The following ATRNL1 variants were observed in gnomAD, a reference collection of about 807,000 sequenced individuals.
ATRNL1 encodes the protein attractin-like protein 1.
Under a neutral mutation model 182.7 loss-of-function variants are expected in ATRNL1, and 95 were observed. The observed-to-expected ratio is 0.52, with a 90% CI of 0.44 to 0.62. ATRNL1 has a LOEUF of 0.62. Ranked by LOEUF, ATRNL1 falls within the 20% of genes least tolerant of loss-of-function variation. ATRNL1 has a pLI of 0.00. For missense variants in ATRNL1, 1,471 were observed against 1,679.5 expected (o/e 0.88, Z 2.17); for synonymous variants, 576 against 568.3 (o/e 1.01, Z -0.19).
chr10:115,394,272 A>G (rs1844177971), intron 19 of ATRNL1, among the ~76,000 whole-genome samples: 1 of 152,044 alleles, frequency 6.6e-6, no homozygotes, highest in South Asian at 2.1e-4. Flanking sequence ...TAAATTGTCC[A>G]AGGTCATATA....
At chr10:115,301,694 A>T (rs1291867112) in intron 16 of ATRNL1, among the ~76,000 whole-genome samples, 161 bp from the exon 17 acceptor site, 1 of 152,224 alleles carries the variant, frequency 6.6e-6, no homozygotes, top group Non-Finnish European at 1.5e-5. Context: ...AATTTTAAGA[A>T]GTATTGATAT....
At chr10:115,276,897 T>G (rs1554914984) in intron 13 of ATRNL1, among the ~76,000 whole-genome samples, 1 of 152,112 alleles carries the variant, frequency 6.6e-6, no homozygotes, top group South Asian at 2.1e-4. Flanking sequence ...AATGACTATA[T>G]TTTTCTTAAT....
intron 26 of ATRNL1, among the ~76,000 whole-genome samples, chr10:115,588,604 A>G (rs930549208): frequency 6.6e-6 from 1 of 152,138 alleles, no homozygotes; most frequent in East Asian, 1.9e-4. Context: ...GCCCTTTGCT[A>G]CTCATGGAAA....
intron 10 of ATRNL1, among the ~76,000 whole-genome samples, chr10:115,263,596 A>T (rs781799712): frequency 1.2e-4 from 18 of 151,832 alleles, no homozygotes; most frequent in Admixed American, 1.3e-4. Flanking sequence ...TATAAAGACC[A>T]TTTTAAGATA....
chr10:115,816,092 A>G (rs2960661), intron 27 of ATRNL1, among the ~76,000 whole-genome samples: 108,861 of 152,002 alleles, frequency 0.72, 39,273 homozygotes, highest in East Asian at 0.81. Context: ...GTGACAGTAG[A>G]ACATAAGAAA....
At chr10:115,159,086 A>T (rs1554882690) in intron 5 of ATRNL1, among the ~76,000 whole-genome samples, 1 of 151,744 alleles carries the variant, frequency 6.6e-6, no homozygotes, top group African/African-American at 2.4e-5. Context: ...TATCATTTTT[A>T]ACTTGGGACC....
chr10:115,667,738 T>A (rs1332739420), intron 26 of ATRNL1, among the ~76,000 whole-genome samples: 7 of 151,902 alleles, frequency 4.6e-5, no homozygotes, highest in African/African-American at 1.7e-4. Context: ...CAGTGCAGCC[T>A]GAAACTCCCG....
At chr10:115,410,681 A>G (rs113493781) in intron 20 of ATRNL1, among the ~76,000 whole-genome samples, 24 of 152,172 alleles carry the variant, frequency 1.6e-4, no homozygotes, top group African/African-American at 5.5e-4. Flanking sequence ...TAGGGAAAAA[A>G]AGAGAAAAAT....
chr10:115,295,335 G>A (rs975011521), intron 15 of ATRNL1, among the ~76,000 whole-genome samples: 3 of 152,086 alleles, frequency 2.0e-5, no homozygotes, highest in Non-Finnish European at 2.9e-5. Flanking sequence ...TCATGGGGTC[G>A]TGTCTCAGGC....
intron 27 of ATRNL1, among the ~76,000 whole-genome samples, chr10:115,755,327 A>T (rs1208031253): frequency 6.6e-6 from 1 of 152,134 alleles, no homozygotes. Flanking sequence ...AGCTCTTATG[A>T]TTTTGAGATA....
intron 18 of ATRNL1, among the ~76,000 whole-genome samples, chr10:115,330,606 G>C (rs2134062462): frequency 6.7e-6 from 1 of 149,906 alleles, no homozygotes; most frequent in Admixed American, 6.6e-5. Flanking sequence ...GCTCTCTCTT[G>C]GCCTGTGGGG....
intron 26 of ATRNL1, among the ~76,000 whole-genome samples, chr10:115,614,287 T>C (rs1174281119): frequency 6.6e-6 from 1 of 152,178 alleles, no homozygotes; most frequent in Non-Finnish European, 1.5e-5. Context: ...CATCAGTCTT[T>C]CTGGAGCATG....
At chr10:115,375,384 G>T (rs546050827) in intron 19 of ATRNL1, among the ~76,000 whole-genome samples, 10 of 151,656 alleles carry the variant, frequency 6.6e-5, no homozygotes, top group Admixed American at 5.3e-4. Context: ...TCTCTTATAG[G>T]GAGTCTATTG....
At chr10:115,216,312 C>T (rs935620898) in intron 9 of ATRNL1, among the ~76,000 whole-genome samples, 27 of 152,148 alleles carry the variant, frequency 1.8e-4, no homozygotes, top group African/African-American at 6.5e-4. Context: ...ATATCCTCAA[C>T]TTTATTACAT....
intron 9 of ATRNL1, among the ~76,000 whole-genome samples, chr10:115,234,981 C>G (rs1417674603): frequency 6.6e-6 from 1 of 152,024 alleles, no homozygotes; most frequent in East Asian, 1.9e-4. Context: ...TTTTTCCTTA[C>G]TGAGTTTGGG....
chr10:115,341,397 A>G (rs1855746550), intron 19 of ATRNL1, among the ~76,000 whole-genome samples: 1 of 151,962 alleles, frequency 6.6e-6, no homozygotes. Flanking sequence ...AGTTTTTTTC[A>G]ATGTTTTACA....
intron 10 of ATRNL1, among the ~76,000 whole-genome samples, chr10:115,258,410 T>C (rs1851249979): frequency 6.6e-6 from 1 of 152,122 alleles, no homozygotes; most frequent in Non-Finnish European, 1.5e-5. Context: ...GAATCAGCTA[T>C]TGAAACTTGT....
chr10:115,512,325 G>A (rs370903971), intron 24 of ATRNL1, among the ~76,000 whole-genome samples: 1 of 151,584 alleles, frequency 6.6e-6, no homozygotes, highest in Non-Finnish European at 1.5e-5. Flanking sequence ...CTTTTAAGAT[G>A]GTATCATTTT....
intron 26 of ATRNL1, among the ~76,000 whole-genome samples, chr10:115,556,494 A>G (rs546366428): frequency 6.6e-6 from 1 of 152,292 alleles, no homozygotes; most frequent in South Asian, 2.1e-4. Context: ...GACAATGAAA[A>G]CTACATCACA....
Sources: allele counts gnomAD v4.1 joint callset (sites outside exome capture counted in the v4.1 genomes callset), GRCh38; gene constraint gnomAD v4.1.1; transcripts MANE v1.5; gene names NCBI Gene and HGNC (gene_info 2026-07-23, HGNC 2026-07-21).